The following SLC18A1 variants were observed in gnomAD, a reference collection of about 807,000 sequenced individuals.
SLC18A1 encodes the protein solute carrier family 18 member A1, also known as chromaffin granule amine transporter.
Under a neutral mutation model 53.7 loss-of-function variants are expected in SLC18A1, and 69 were observed. The ratio of observed to expected loss-of-function variants is 1.28; its 90% CI spans 1.06 to 1.57. The LOEUF (loss-of-function observed/expected upper bound fraction) is 1.57, where lower values mean the gene tolerates loss of function less well. Ranked by LOEUF, SLC18A1 falls within the 40% of genes most tolerant of loss-of-function variation. The probability of loss-of-function intolerance (pLI) is 0.00; values close to 1 mark genes in which losing one functional copy is unlikely to be tolerated. For synonymous variants in SLC18A1, 320 were observed against 248.1 expected, an observed-to-expected ratio of 1.29 and a Z score of -2.72; for missense variants, 932 against 668.1, an observed-to-expected ratio of 1.40 and a Z score of -4.35.
chr8:20,146,777 TCA>T (rs2071411502), intron 15 of SLC18A1, among the ~76,000 whole-genome samples: 1 of 143,072 alleles, frequency 7.0e-6, no homozygotes, highest in Admixed American at 7.0e-5. Flanking sequence ...TGAGCCGAGA[TCA>T]CACTATTACA....
chr8:20,145,743 T>G lies in SLC18A1; in HGVS notation c.*20A>C. The stretch of plus-strand genomic sequence containing the variant: ...AGGTGGTCACTGAGGCATCATGAAT[T>G]CAAGGAGCACCTTCTGCTGCTACTC... On this transcript the variant is annotated 3_prime_UTR_variant, in exon 16 of 16. Transcript: ENST00000276373. The G allele has an allele frequency of 6.6e-7, 1 of 1,526,218 alleles. No homozygotes were observed. The allele number at this position is 1,526,218 out of a possible 1,614,324, so 94.5% of individuals were successfully genotyped here. A position where few individuals can be genotyped will look rare whatever the true frequency, so the allele number is the denominator to read the frequency against.
rs1241266307 is a variant in SLC18A1 at position 20,147,648 on chromosome 8, C to A, written c.1285G>T (p.Val429Phe). 6.2e-7 allele frequency: 1 copy of A among 1,613,972 alleles called. No homozygotes were observed. The highest frequency in any genetic ancestry group is 8.5e-7 in the Non-Finnish European group (1 of 1,180,010). The stretch of plus-strand genomic sequence containing the variant: ...AAAGCCACATCAGCGATGGCGTAGA[C>A]ACTCCCATACACCGAGGTGTGGCGT... ...DLRHTSVYGSVYAIADVAFCM... is the reference protein window; with the variant it reads ...DLRHTSVYGSFYAIADVAFCM... The change falls in exon 14 of 16, where the codon GTC becomes TTC. Residue 429 changes from valine to phenylalanine, a missense_variant. Val to Phe is a conservative substitution (Grantham distance 50, BLOSUM62 -1). Transcript: ENST00000276373.
At chr8:20,179,012 G>A in intron 3 of SLC18A1, 109 bp downstream of exon 3, 1 of 1,331,428 alleles carries the variant, frequency 7.5e-7, no homozygotes, top group Non-Finnish European at 1.0e-6. Flanking sequence ...CTCCCCTGAG[G>A]AATCATACAA....
chr8:20,161,819 G>A (rs1317927291), intron 10 of SLC18A1, among the ~76,000 whole-genome samples: 1 of 152,124 alleles, frequency 6.6e-6, no homozygotes, highest in Non-Finnish European at 1.5e-5. Context: ...GACCCCTAAG[G>A]CATCAGGCAG....
chr8:20,179,062 T>C, intron 3 of SLC18A1, 59 bp downstream of exon 3: 1 of 1,529,112 alleles, frequency 6.5e-7, no homozygotes, highest in South Asian at 1.3e-5. Context: ...CCCCTTTCTA[T>C]ACTTTTCTAG....
intron 6 of SLC18A1, among the ~76,000 whole-genome samples, chr8:20,172,593 GTGGCGTTT>G (rs2072150967): frequency 6.6e-6 from 1 of 152,194 alleles, no homozygotes; most frequent in Non-Finnish European, 1.5e-5. Context: ...TATCCTGGCT[GTGGCGTTT>G]CCTAGCTGTG....
rs1015298575 is a variant in SLC18A1, at chr8:20,147,882, C to T, written c.1210+125G>A. On this transcript the variant is annotated intron_variant, in intron 13 of 15. Transcript: ENST00000276373. ...ACGAGCTCATCTCTCCACAACCCTG[C>T]CAGCTGCCCTCCTGATCCTTCTGCC... 5.6e-6 allele frequency: 8 copies of T among 1,429,380 alleles called. No individual in the cohort carries two copies. The African/African-American group carries it at 5.6e-5, about 10-fold the overall frequency. The allele number at this position is 1,429,380 out of a possible 1,614,324, so 88.5% of individuals were successfully genotyped here. A position where few individuals can be genotyped will look rare whatever the true frequency, so the allele number is the denominator to read the frequency against.
intron 13 of SLC18A1, 39 bp downstream of exon 13, chr8:20,147,968 A>G (rs2071445237): frequency 1.2e-6 from 2 of 1,605,592 alleles, no homozygotes; most frequent in South Asian, 1.1e-5. Flanking sequence ...CAAAGCCAAC[A>G]TGCAGGGGCT....
intron 1 of SLC18A1, among the ~76,000 whole-genome samples, chr8:20,182,831 T>A (rs999809103): frequency 6.6e-6 from 1 of 152,166 alleles, no homozygotes; most frequent in African/African-American, 2.4e-5. Flanking sequence ...TGACTTAGGA[T>A]ATGTATGGAT....
chr8:20,161,583 T>C lies in SLC18A1; in HGVS notation c.1015+3286A>G, dbSNP rs565143897. Reference sequence around the variant, plus strand: ...TCCGTGAGGAGTCCTAGAACCACTCTCCTATGCACACCAAGGGATAATTTA... The same window carrying C: ...TCCGTGAGGAGTCCTAGAACCACTCCCCTATGCACACCAAGGGATAATTTA... On this transcript the variant is annotated intron_variant, in intron 10 of 15. Coordinates refer to ENST00000276373, the MANE Select transcript of SLC18A1 (RefSeq NM_003053.4). Among the ~76,000 whole-genome samples, 43 of 152,296 alleles carry C rather than the reference T, an allele frequency of 2.8e-4. 1 individual carries two copies. Among genetic ancestry groups the C allele is most frequent in the Admixed American group, 2.1e-3 (32 of 15,302 alleles).
At position 20,150,666 on chromosome 8, in the gene SLC18A1, C is replaced by T. The variant is rs747952915; in HGVS notation, c.1094G>A (p.Arg365Gln). Residue 365 changes from arginine (R) to glutamine (Q), a missense_variant and splice_region_variant, in exon 11 of 16, where the codon CGG becomes CAG. Physicochemically the swap from Arg to Gln is conservative, Grantham distance 43 (BLOSUM62 1). Coordinates refer to ENST00000276373, the MANE Select transcript of SLC18A1 (RefSeq NM_003053.4). The stretch of plus-strand genomic sequence containing the variant: ...CGTCCCAGATCCCGAGGCTACATAC[C>T]GACCCATCTTGTTGGCCAACACACC... ...LFGVLANKMGRWLCSLIGMLV... is the reference protein window; with the variant it reads ...LFGVLANKMGQWLCSLIGMLV... 1.7e-5 allele frequency: 27 copies of T among 1,613,554 alleles called. No individual in the cohort carries two copies. The highest frequency in any genetic ancestry group is 3.3e-5 in the South Asian group (3 of 91,084).
At chr8:20,174,083 A>G (rs993280553) in intron 5 of SLC18A1, among the ~76,000 whole-genome samples, 1 of 151,254 alleles carries the variant, frequency 6.6e-6, no homozygotes, top group Non-Finnish European at 1.5e-5. Context: ...TCTTTTTTTT[A>G]ATAGAAATAG....
At chr8:20,173,593 C>A (rs1019100082) in intron 5 of SLC18A1, among the ~76,000 whole-genome samples, 6 of 152,208 alleles carry the variant, frequency 3.9e-5, no homozygotes, top group Non-Finnish European at 8.8e-5. Flanking sequence ...CTCTGGCCTT[C>A]ATAGCTATGG....
At chr8:20,157,034 G>A (rs2071699842) in intron 10 of SLC18A1, among the ~76,000 whole-genome samples, 1 of 152,140 alleles carries the variant, frequency 6.6e-6, no homozygotes, top group Non-Finnish European at 1.5e-5. Flanking sequence ...GAAAACAGGT[G>A]CAGGACTGCT....
intron 10 of SLC18A1, among the ~76,000 whole-genome samples, chr8:20,152,068 T>G (rs1337667579): frequency 6.6e-6 from 1 of 152,132 alleles, no homozygotes; most frequent in Non-Finnish European, 1.5e-5. Context: ...GGGGAAGGCT[T>G]CTTTGGGGAA....
intron 8 of SLC18A1, among the ~76,000 whole-genome samples, chr8:20,166,287 G>GTGTATATATATATATATATATATATATA (rs1235212014): frequency 1.3e-5 from 1 of 78,998 alleles, no homozygotes; most frequent in Non-Finnish European, 2.4e-5. Context: ...GTGTGTGTGT[G>GTGTATATATATATATATATATATATATA]TCTATATATA....
chr8:20,154,423 C>T (rs1426180050), intron 10 of SLC18A1, among the ~76,000 whole-genome samples: 1 of 152,100 alleles, frequency 6.6e-6, no homozygotes, highest in African/African-American at 2.4e-5. Flanking sequence ...TAAGAGGTCA[C>T]TAGATGTTTG....
intron 6 of SLC18A1, among the ~76,000 whole-genome samples, chr8:20,172,400 A>C (rs151007499): frequency 8.5e-5 from 13 of 152,194 alleles, no homozygotes; most frequent in Admixed American, 7.2e-4. Flanking sequence ...ATGAGCTTGT[A>C]AGCTCCTAGA....
At chr8:20,180,726 T>C (rs954275125) in intron 2 of SLC18A1, 115 bp downstream of exon 2, 1 of 1,351,410 alleles carries the variant, frequency 7.4e-7, no homozygotes, top group Non-Finnish European at 1.0e-6. Context: ...TGTGTGTTTT[T>C]GAGCATAAAA....
Sources: allele counts gnomAD v4.1 joint callset (sites outside exome capture counted in the v4.1 genomes callset), GRCh38; gene constraint gnomAD v4.1.1; transcripts MANE v1.5; gene names NCBI Gene and HGNC (gene_info 2026-07-23, HGNC 2026-07-21).